The following MAP3K5 variants were observed in gnomAD, a reference collection of about 807,000 sequenced individuals.
MAP3K5 encodes ASK-1.
MAP3K5 carries 56 observed loss-of-function variants against 158.7 expected under a neutral mutation model. The ratio of observed to expected loss-of-function variants is 0.35; its 90% CI spans 0.28 to 0.44. MAP3K5 has a LOEUF of 0.44. Ranked by LOEUF, MAP3K5 falls within the 20% of genes least tolerant of loss-of-function variation. MAP3K5 has a pLI of 1.00. For synonymous variants in MAP3K5, 579 were observed against 601.7 expected (o/e 0.96, Z 0.55); for missense variants, 1,294 against 1,674.8 (o/e 0.77, Z 3.97).
chr6:136,692,538 C>T (rs1257673152), intron 7 of MAP3K5, among the ~76,000 whole-genome samples: 1 of 152,128 alleles, frequency 6.6e-6, no homozygotes, highest in Admixed American at 6.5e-5. Flanking sequence ...AAAACCTTTC[C>T]AGTTTCTAGC....
Position 136,593,293 on chromosome 6 carries a change from T to C in MAP3K5, c.2879-679A>G, listed in dbSNP as rs143249133. ...GCTGCTTCTTTATTTGGATGGAGAA[T>C]AAGACAGTGGAGTTGCCTATATTTC... is the stretch of plus-strand genomic sequence containing the variant. On this transcript the variant is annotated intron_variant, in intron 21 of 29. Coordinates refer to ENST00000359015, the MANE Select transcript of MAP3K5 (RefSeq NM_005923.4). 3.5e-3 allele frequency among the ~76,000 whole-genome samples: 533 copies of C among 152,346 alleles called. 7 individuals are homozygous for C. The highest frequency in any genetic ancestry group is 0.012 in the African/African-American group (514 of 41,576).
chr6:136,654,901 A>AT lies in MAP3K5; in HGVS notation c.1680+1405dup, dbSNP rs1227227123. ...TTTTTTTAATCAAACAAAAATATCC[A>AT]TTTTTTAGTGAAATCAAGTTGGTGA... On this transcript the variant is annotated intron_variant, in intron 10 of 29. Coordinates refer to ENST00000359015, the MANE Select transcript of MAP3K5 (RefSeq NM_005923.4). Among the ~76,000 whole-genome samples, 3 of 152,068 alleles carry AT rather than the reference A, an allele frequency of 2.0e-5. No homozygotes were observed. The East Asian group carries it at 5.8e-4, about 29-fold the overall frequency.
At chr6:136,697,430 C>T (rs1459882547) in intron 4 of MAP3K5, 43 bp from the exon 5 acceptor site, 1 of 1,478,940 alleles carries the variant, frequency 6.8e-7, no homozygotes, top group African/African-American at 1.4e-5. Flanking sequence ...ACATTAGAAA[C>T]AATTTCAATG....
At chr6:136,664,974 C>T (rs992603015) in intron 8 of MAP3K5, among the ~76,000 whole-genome samples, 7 of 152,062 alleles carry the variant, frequency 4.6e-5, no homozygotes, top group Non-Finnish European at 1.0e-4. Context: ...AGCTGCTGTA[C>T]ACTTCACAGT....
intron 3 of MAP3K5, among the ~76,000 whole-genome samples, chr6:136,702,980 G>T (rs1780916496): frequency 6.6e-6 from 1 of 152,156 alleles, no homozygotes; most frequent in African/African-American, 2.4e-5. Flanking sequence ...ACAGGCATGA[G>T]CCACTGCCCT....
At chr6:136,694,615 T>A (rs1157696403) in intron 6 of MAP3K5, among the ~76,000 whole-genome samples, 1 of 152,196 alleles carries the variant, frequency 6.6e-6, no homozygotes, top group African/African-American at 2.4e-5. Flanking sequence ...AGGTTCAAGT[T>A]GGTGAAACGA....
At chr6:136,607,065 A>G (rs769120855) in intron 18 of MAP3K5, among the ~76,000 whole-genome samples, 1 of 152,178 alleles carries the variant, frequency 6.6e-6, no homozygotes, top group Non-Finnish European at 1.5e-5. Flanking sequence ...ATGCTCCCCA[A>G]AGACGCTCGC....
Position 136,601,886 on chromosome 6 carries a change from T to C in MAP3K5, c.2773A>G (p.Lys925Glu). Residue 925 changes from lysine to glutamate, a missense_variant, in exon 20 of 30, where the codon AAG (lysine) becomes GAG (glutamate). Transcript: ENST00000359015. ...ILKCFEPDPD[K>E]RACANDLLVD... is the part of the protein sequence containing the mutation. ...AGCAAGTCGTTAGCACAGGCTCTCT[T>C]GTCAGGATCTGGTTCAAAACATTTC... 1 of 1,614,184 alleles carries C rather than the reference T, an allele frequency of 6.2e-7. No homozygotes were observed. Among genetic ancestry groups the C allele is most frequent in the Non-Finnish European group, 8.5e-7 (1 of 1,180,012 alleles).
chr6:136,709,090 C>T (rs1225676822), intron 2 of MAP3K5, among the ~76,000 whole-genome samples: 1 of 152,268 alleles, frequency 6.6e-6, no homozygotes, highest in Non-Finnish European at 1.5e-5. Flanking sequence ...TCCTCGAAAG[C>T]ACTTCATTTT....
chr6:136,677,450 C>G (rs868293484), intron 7 of MAP3K5, among the ~76,000 whole-genome samples: 2 of 152,280 alleles, frequency 1.3e-5, no homozygotes, highest in East Asian at 1.9e-4. Context: ...TCCACTTTAA[C>G]TGAAGATGCT....
chr6:136,633,165 G>A (rs920017923), intron 14 of MAP3K5, among the ~76,000 whole-genome samples: 15 of 152,208 alleles, frequency 9.9e-5, no homozygotes, highest in African/African-American at 3.6e-4. Context: ...TTGGGAGGCC[G>A]AGGTGGGTAG....
chr6:136,786,689 A>G (rs1443077361), intron 1 of MAP3K5, among the ~76,000 whole-genome samples: 1 of 152,206 alleles, frequency 6.6e-6, no homozygotes, highest in East Asian at 1.9e-4. Context: ...TAGTAAACAG[A>G]TCAAGAAAAA....
At chr6:136,694,356 T>C (rs371404907) in intron 6 of MAP3K5, 46 bp from the exon 7 acceptor site, 192 of 1,441,642 alleles carry the variant, frequency 1.3e-4, no homozygotes, top group Non-Finnish European at 1.8e-4. Context: ...ACAGAAGCAA[T>C]ATAGATCAAT....
chr6:136,718,709 G>T (rs1040256774), intron 2 of MAP3K5, among the ~76,000 whole-genome samples: 1 of 152,200 alleles, frequency 6.6e-6, no homozygotes, highest in Non-Finnish European at 1.5e-5. Flanking sequence ...CATATGTGTG[G>T]TAAGATTAGC....
chr6:136,635,069 G>A (rs1230001804), intron 14 of MAP3K5, among the ~76,000 whole-genome samples: 3 of 150,396 alleles, frequency 2.0e-5, no homozygotes, highest in Non-Finnish European at 3.0e-5. Flanking sequence ...CATATTTTTG[G>A]TAAGATGCAG....
At chr6:136,781,288 T>C (rs1160231309) in intron 1 of MAP3K5, among the ~76,000 whole-genome samples, 1 of 152,172 alleles carries the variant, frequency 6.6e-6, no homozygotes. Context: ...GCAACCACTA[T>C]TGAGTTGGCT....
intron 4 of MAP3K5, 142 bp downstream of exon 4, chr6:136,698,347 C>T: frequency 1.5e-6 from 1 of 662,290 alleles, no homozygotes; most frequent in Non-Finnish European, 2.5e-6. Flanking sequence ...TCTATTTTAT[C>T]TACTTGGAGG....
At chr6:136,664,907 G>A (rs1779161393) in intron 8 of MAP3K5, among the ~76,000 whole-genome samples, 1 of 152,174 alleles carries the variant, frequency 6.6e-6, no homozygotes, top group South Asian at 2.1e-4. Flanking sequence ...CTCCAGACCT[G>A]GGTGACAAGA....
chr6:136,700,242 G>A (rs1780790635), intron 3 of MAP3K5, among the ~76,000 whole-genome samples: 1 of 152,160 alleles, frequency 6.6e-6, no homozygotes, highest in African/African-American at 2.4e-5. Context: ...AGCCTGGGCA[G>A]GTAACAAGAT....
Sources: gnomAD v4.1 joint callset for allele counts (sites outside exome capture counted in the v4.1 genomes callset) on GRCh38, gnomAD v4.1.1 for gene constraint, MANE v1.5 for transcripts, NCBI Gene and HGNC (gene_info 2026-07-23, HGNC 2026-07-21) for gene names.